The following MKS1 variants were observed in gnomAD, a reference collection of about 807,000 sequenced individuals.
MKS1 encodes tectonic-like complex member MKS1.
MKS1 carries 70 observed loss-of-function variants against 83.7 expected under a neutral mutation model. The observed-to-expected ratio is 0.84, with a 90% CI of 0.69 to 1.02. MKS1 has a LOEUF of 1.02. MKS1 is among the 50% of genes least tolerant of loss of function. MKS1 has a pLI of 0.00. For missense variants in MKS1, 681 were observed against 726.9 expected, an observed-to-expected ratio of 0.94 and a Z score of 0.73; for synonymous variants, 251 against 273.4, an observed-to-expected ratio of 0.92 and a Z score of 0.81.
intron 11 of MKS1, 30 bp downstream of exon 11, chr17:58,210,629 T>C (rs1968817183): frequency 1.3e-6 from 2 of 1,598,472 alleles, no homozygotes; most frequent in Non-Finnish European, 1.7e-6. Flanking sequence ...TGAATGGGTA[T>C]AAAAGGAGAG....
Position 58,212,981 on chromosome 17 carries a change from C to G in MKS1, c.858+1G>C, listed in dbSNP as rs756102768. On this transcript the variant is annotated splice_donor_variant, in intron 8 of 17. Transcript: ENST00000393119. LOFTEE classifies it high-confidence loss of function. ...GATACTTGGAATGAACTTGCGCTTA[C>G]ATCCTTGAACACTCGCCGTTCCCGC... The G allele has an allele frequency of 6.2e-7, 1 of 1,613,918 alleles. No individual in the cohort carries two copies. The highest frequency in any genetic ancestry group is 1.1e-5 in the South Asian group (1 of 91,082).
chr17:58,206,590 T>C, intron 15 of MKS1, 43 bp from the exon 16 acceptor site: 2 of 1,561,142 alleles, frequency 1.3e-6, no homozygotes, highest in Non-Finnish European at 1.8e-6. Context: ...CTGCTCTCTC[T>C]AGACACCCCC....
chr17:58,205,850 G>T lies in MKS1; in HGVS notation c.*229C>A. The T allele has an allele frequency of 7.0e-7, 1 of 1,438,834 alleles. No homozygotes were observed. The highest frequency in any genetic ancestry group is 9.2e-7 in the Non-Finnish European group (1 of 1,092,864). The allele number at this position is 1,438,834 out of a possible 1,614,324, so 89.1% of individuals were successfully genotyped here. ...CCTTGCTGTGATGCCCATTGACAGT[G>T]GCTGCAAATATAAAGGGGGGGCCAC... is the stretch of plus-strand genomic sequence containing the variant. On this transcript the variant is annotated 3_prime_UTR_variant, in exon 18 of 18. Coordinates refer to ENST00000393119, the MANE Select transcript of MKS1 (RefSeq NM_017777.4).
At position 58,206,621 on chromosome 17, in the gene MKS1, C is replaced by G; in HGVS notation, c.1408-74G>C. On this transcript the variant is annotated intron_variant, in intron 15 of 17. Transcript: ENST00000393119. Reference sequence around the variant, plus strand: ...CCCCCGCACCATGCTGGCCTCACCCCCATTCTTATTCCCATTCTTGGGAAG... The same window carrying G: ...CCCCCGCACCATGCTGGCCTCACCCGCATTCTTATTCCCATTCTTGGGAAG... 2.1e-6 allele frequency: 3 copies of G among 1,402,232 alleles called. 1 individual carries two copies. Among genetic ancestry groups the G allele is most frequent in the Non-Finnish European group, 3.0e-6 (3 of 1,003,104 alleles). The allele number at this position is 1,402,232 out of a possible 1,614,324, so 86.9% of individuals were successfully genotyped here.
chr17:58,213,973 G>T, intron 6 of MKS1, 104 bp from the exon 7 acceptor site: 1 of 1,083,080 alleles, frequency 9.2e-7, no homozygotes, highest in Non-Finnish European at 1.4e-6. Context: ...TATAGGGAGA[G>T]CTGTCATGGT....
chr17:58,213,187 A>C, intron 7 of MKS1, 97 bp from the exon 8 acceptor site: 1 of 1,146,300 alleles, frequency 8.7e-7, no homozygotes, highest in South Asian at 1.3e-5. Context: ...GGGGCCATAC[A>C]CCTCACTAAA....
intron 8 of MKS1, 32 bp from the exon 9 acceptor site, chr17:58,212,466 T>G (rs370957574): frequency 2.2e-4 from 358 of 1,612,354 alleles, no homozygotes; most frequent in Non-Finnish European, 2.9e-4. Flanking sequence ...AAACTCAAGA[T>G]GCAACCCAAG....
chr17:58,214,089 G>T (rs1269328816), intron 6 of MKS1, among the ~76,000 whole-genome samples, 170 bp downstream of exon 6: 1 of 152,030 alleles, frequency 6.6e-6, no homozygotes, highest in Non-Finnish European at 1.5e-5. Flanking sequence ...GAGAGGAGAA[G>T]AAGATGAGGA....
chr17:58,212,698 G>T (rs1302514220), intron 8 of MKS1, among the ~76,000 whole-genome samples: 3 of 152,124 alleles, frequency 2.0e-5, no homozygotes, highest in Non-Finnish European at 4.4e-5. Flanking sequence ...CTTATAAGGT[G>T]GTAATAAGTG....
chr17:58,218,489 T>G, intron 2 of MKS1, 131 bp downstream of exon 2: 1 of 235,632 alleles, frequency 4.2e-6, no homozygotes, highest in Non-Finnish European at 8.4e-6. Context: ...AAGCCACAAA[T>G]AGAATGTAGG....
At chr17:58,212,330 C>T (rs1403447072) in intron 9 of MKS1, 48 bp downstream of exon 9, 8 of 1,607,142 alleles carry the variant, frequency 5.0e-6, no homozygotes, top group Non-Finnish European at 6.0e-6. Context: ...AGTCAGAATG[C>T]TCCGGCTAAA....
chr17:58,209,511 G>C lies in MKS1; in HGVS notation c.1025-928C>G, dbSNP rs987380382. 6.6e-6 allele frequency among the ~76,000 whole-genome samples: 1 copy of C among 152,202 alleles called. No homozygotes were observed. The highest frequency in any genetic ancestry group is 1.5e-5 in the Non-Finnish European group (1 of 68,044). On this transcript the variant is annotated intron_variant, in intron 11 of 17. Transcript: ENST00000393119. This position sits in a 1 kb window ranked among gnomAD's most constrained non-coding sequence, Gnocchi z 4.1. ...GTGATTGGGAGGCTCATTTAGACTG[G>C]GTGGTAAGAGAAGGCCTCTCAGAGG...
At position 58,213,040 on chromosome 17, in the gene MKS1, T is replaced by C. The variant is rs757032985; in HGVS notation, c.800A>G (p.Asn267Ser). ...KQELWKYTIDNVSPHAQPEEE... is the reference protein window; with the variant it reads ...KQELWKYTIDSVSPHAQPEEE... ...CTCCGGCTGTGCGTGGGGGGAAACA[T>C]TGTCGATCGTATATTTCCACAGCTC... Residue 267 changes from asparagine to serine, a missense_variant, in exon 8 of 18, where the codon AAT becomes AGT. Asn to Ser is a conservative substitution (Grantham distance 46). This residue lies in a region of MKS1 where 365 missense variants were observed against 383.8 expected (regional missense o/e 0.95). Coordinates refer to ENST00000393119, the MANE Select transcript of MKS1 (RefSeq NM_017777.4). 8.7e-6 allele frequency: 14 copies of C among 1,613,904 alleles called. No homozygotes were observed. Among genetic ancestry groups the C allele is most frequent in the African/African-American group, 2.7e-5 (2 of 74,860 alleles).
Position 58,213,050 on chromosome 17 carries a change from T to C in MKS1, c.790A>G (p.Thr264Ala). 1 of 1,614,124 alleles carries C rather than the reference T, an allele frequency of 6.2e-7. No homozygotes were observed. Among genetic ancestry groups the C allele is most frequent in the Non-Finnish European group, 8.5e-7 (1 of 1,180,018 alleles). The part of the protein sequence containing the change: ...EGEKQELWKY[T>A]IDNVSPHAQP... ...GCGTGGGGGGAAACATTGTCGATCG[T>C]ATATTTCCACAGCTCCTGCTTCTCC... Residue 264 changes from threonine to alanine, a missense_variant, in exon 8 of 18, where the codon ACG (threonine) becomes GCG (alanine). Physicochemically the swap from Thr to Ala is moderately conservative, Grantham distance 58. Coordinates refer to ENST00000393119, the MANE Select transcript of MKS1 (RefSeq NM_017777.4).
Position 58,219,215 on chromosome 17 carries a change from A to G in MKS1, c.16T>C (p.Trp6Arg). 6.4e-7 allele frequency: 1 copy of G among 1,551,056 alleles called. No individual in the cohort carries two copies. The highest frequency in any genetic ancestry group is 8.7e-7 in the Non-Finnish European group (1 of 1,146,974). Residue 6 changes from tryptophan to arginine, a missense_variant, in exon 1 of 18, where the codon TGG becomes CGG. Trp to Arg is a moderately radical substitution (Grantham distance 101). Coordinates refer to ENST00000393119, the MANE Select transcript of MKS1 (RefSeq NM_017777.4). ...ACTGCCTCCCCGGTGTCAGTGCTCCAGACGGTCTCCGCCATGACAGCTGCG... is the reference window on the plus strand; with the variant it reads ...ACTGCCTCCCCGGTGTCAGTGCTCCGGACGGTCTCCGCCATGACAGCTGCG... MAETVWSTDTGEAVYR... is the reference protein window; with the variant it reads MAETVRSTDTGEAVYR...
chr17:58,208,489 G>A, intron 12 of MKS1, 24 bp downstream of exon 12: 2 of 1,611,960 alleles, frequency 1.2e-6, no homozygotes, highest in Non-Finnish European at 1.7e-6. Flanking sequence ...TTCCCTTCCA[G>A]ATACCCGCTC....
In MKS1 at chr17:58,216,120, T is replaced by C. The variant is rs374506610; in HGVS notation, c.385A>G (p.Thr129Ala). The C allele has an allele frequency of 3.1e-6, 5 of 1,614,126 alleles. No individual in the cohort carries two copies. Among genetic ancestry groups the C allele is most frequent in the Non-Finnish European group, 4.2e-6 (5 of 1,180,014 alleles). Residue 129 changes from threonine (T) to alanine (A), a missense_variant, in exon 4 of 18, where the codon ACT (threonine) becomes GCT (alanine). Around this residue, in one of 3 missense-constraint regions of MKS1, gnomAD observed 365 missense variants for 383.8 expected, o/e 0.95. Transcript: ENST00000393119. ...GKKNRRIFTY[T>A]DSDRYTNLEE... is the part of the protein sequence containing the mutation. ...AAATTGGTGTATCTATCAGAGTCAG[T>C]GTAGGTAAAGATTCGTCGGTTTTTC...
chr17:58,214,857 C>T lies in MKS1; in HGVS notation c.418-19G>A. 6.3e-7 allele frequency: 1 copy of T among 1,590,848 alleles called. No individual in the cohort carries two copies. Among genetic ancestry groups the T allele is most frequent in the Non-Finnish European group, 8.5e-7 (1 of 1,174,698 alleles). ...GACAGTGCTGGGAAAAGCAAGCAGC[C>T]CTGTGTACGCCATCTGGTCAGGGCC... On this transcript the variant is annotated intron_variant, in intron 4 of 17. Transcript: ENST00000393119.
chr17:58,206,992 C>A, intron 15 of MKS1, 93 bp downstream of exon 15: 14 of 1,562,282 alleles, frequency 9.0e-6, no homozygotes, highest in Non-Finnish European at 1.2e-5. Context: ...TGAAGCAATG[C>A]ACAACTAAGG....
Sources: allele counts gnomAD v4.1 joint callset (sites outside exome capture counted in the v4.1 genomes callset), GRCh38; gene constraint gnomAD v4.1.1; regional missense constraint gnomAD v4.1.1; non-coding constraint Gnocchi (gnomAD v3.1); transcripts MANE v1.5; gene names NCBI Gene and HGNC (gene_info 2026-07-23, HGNC 2026-07-21).